The following CLUH variants were observed in gnomAD, a reference collection of about 807,000 sequenced individuals.
CLUH encodes the protein clustered mitochondria protein homolog.
CLUH carries 77 observed loss-of-function variants against 139.3 expected under a neutral mutation model. The observed-to-expected ratio is 0.55, with a 90% CI of 0.46 to 0.67. The LOEUF is 0.67. CLUH is among the 30% of genes least tolerant of loss of function. The pLI is 0.00. For synonymous variants in CLUH, 999 were observed against 801.6 expected (o/e 1.25, Z -4.16); for missense variants, 1,876 against 1,875.8 (o/e 1.00, Z 0.00).
chr17:2,703,233 C>T lies in CLUH; in HGVS notation c.475+85G>A. 1.4e-6 allele frequency: 2 copies of T among 1,416,234 alleles called. No homozygotes were observed. Among genetic ancestry groups the T allele is most frequent in the South Asian group, 1.3e-5 (1 of 75,822 alleles). The allele number at this position is 1,416,234 out of a possible 1,614,324, so 87.7% of individuals were successfully genotyped here. A position where few individuals can be genotyped will look rare whatever the true frequency, so the allele number is the denominator to read the frequency against. ...CCTGCCTCCATGAGCTCATCCGTGACACAGGGACCCTGGCATGGATGGTGC... is the reference window on the plus strand; with the variant it reads ...CCTGCCTCCATGAGCTCATCCGTGATACAGGGACCCTGGCATGGATGGTGC... On this transcript the variant is annotated intron_variant, in intron 3 of 25. Coordinates refer to ENST00000651024, the MANE Select transcript of CLUH (RefSeq NM_001366661.1). The surrounding 1 kb of genome is among the most constrained non-coding windows in gnomAD (Gnocchi z 4.2).
chr17:2,704,621 C>G lies in CLUH; in HGVS notation c.101-57G>C. The G allele has an allele frequency of 6.8e-7, 1 of 1,462,688 alleles. No individual in the cohort carries two copies. The highest frequency in any genetic ancestry group is 1.4e-5 in the African/African-American group (1 of 71,302). 90.6% of individuals were successfully genotyped at this position (1,462,688 alleles called of 1,614,324 possible). A position where few individuals can be genotyped will look rare whatever the true frequency, so the allele number is the denominator to read the frequency against. On this transcript the variant is annotated intron_variant, in intron 1 of 25. Transcript: ENST00000651024. This position sits in a 1 kb window ranked among gnomAD's most constrained non-coding sequence, Gnocchi z 5.7. ...CAGCCTCGCTGGTCGGCGGGGCTGT[C>G]CGCCTGACCCCACACGGGGACACGT...
chr17:2,704,068 C>G lies in CLUH; in HGVS notation c.303+294G>C, dbSNP rs569836956. ...AGGTGACTTGCCTGAGGGCACAGAG[C>G]AAGAGGCTGGGGAGTCCTGGGATGC... is the stretch of plus-strand genomic sequence containing the variant. On this transcript the variant is annotated intron_variant, in intron 2 of 25. Transcript: ENST00000651024. This position sits in a 1 kb window ranked among gnomAD's most constrained non-coding sequence, Gnocchi z 5.7. 6.6e-6 allele frequency among the ~76,000 whole-genome samples: 1 copy of G among 152,232 alleles called. No homozygotes were observed. The highest frequency in any genetic ancestry group is 1.9e-4 in the East Asian group (1 of 5,170).
At chr17:2,698,617 T>C (rs375699962) in intron 9 of CLUH, 27 bp from the exon 10 acceptor site, 113 of 1,538,600 alleles carry the variant, frequency 7.3e-5, no homozygotes, top group African/African-American at 1.9e-4. Flanking sequence ...AGGGCAGGGT[T>C]AGAGGCCGCG....
Position 2,701,948 on chromosome 17 carries a change from G to A in CLUH, c.585C>T (p.Ser195=). 8.1e-6 allele frequency: 13 copies of A among 1,613,986 alleles called. No individual in the cohort carries two copies. Among genetic ancestry groups the A allele is most frequent in the Non-Finnish European group, 1.1e-5 (13 of 1,179,914 alleles). ...AFNGVDCNSL[S]FLSVFTDGDL... The stretch of plus-strand genomic sequence containing the variant: ...CGCCGTCGGTGAAGACACTCAGGAA[G>A]GACAAGGAGTTGCAGTCAACCCCGT... The change falls in exon 4 of 26, where the codon TCC becomes TCT. Residue 195 remains serine (S), a synonymous_variant. Coordinates refer to ENST00000651024, the MANE Select transcript of CLUH (RefSeq NM_001366661.1).
At chr17:2,702,100 C>T (rs768087581) in intron 3 of CLUH, 43 bp from the exon 4 acceptor site, 4 of 1,598,892 alleles carry the variant, frequency 2.5e-6, no homozygotes, top group Middle Eastern at 1.7e-4. Flanking sequence ...CAGGGCCCTG[C>T]ACCCTGAACA....
In CLUH at chr17:2,693,156, A is replaced by AAAAAAAG. The variant is rs61560754; in HGVS notation, c.3232-297_3232-296insCTTTTTT. 7.3e-5 allele frequency among the ~76,000 whole-genome samples: 11 copies of AAAAAAAG among 150,768 alleles called. 1 individual carries two copies. The South Asian group carries it at 2.3e-3, about 32-fold the overall frequency. On this transcript the variant is annotated intron_variant, in intron 19 of 25. Transcript: ENST00000651024. Reference sequence around the variant, plus strand: ...AAAAATGTTACAAAAAAAAAAAAAAAGCCTGAGCAGGGGTGGGTCCCTTGA... The same window carrying AAAAAAAG: ...AAAAATGTTACAAAAAAAAAAAAAAAAAAAAAGGCCTGAGCAGGGGTGGGTCCCTTGA...
At position 2,704,364 on chromosome 17, in the gene CLUH, G is replaced by T; in HGVS notation, c.301C>A (p.Gln101Lys). ...LAPGIEPFSL[Q>K]VSPQEMVQEI... ...CAGCACCCGTTCCTCCATCTTACCT[G>T]CAGGGAGAAGGGCTCGATCCCAGGG... Residue 101 changes from glutamine (Q) to lysine (K), a missense_variant and splice_region_variant, in exon 2 of 26, where the codon CAG (glutamine) becomes AAG (lysine). This residue lies in a region of CLUH where 152 missense variants were observed against 136.7 expected (regional missense o/e 1.11). Coordinates refer to ENST00000651024, the MANE Select transcript of CLUH (RefSeq NM_001366661.1). This position sits in a 1 kb window ranked among gnomAD's most constrained non-coding sequence, Gnocchi z 5.7. 2 of 1,609,798 alleles carry T rather than the reference G, an allele frequency of 1.2e-6. No homozygotes were observed. Among genetic ancestry groups the T allele is most frequent in the Non-Finnish European group, 1.7e-6 (2 of 1,178,198 alleles).
rs2070279823 is a variant in CLUH at position 2,704,231 on chromosome 17, G to A, written c.303+131C>T. 1 of 954,306 alleles carries A rather than the reference G, an allele frequency of 1.0e-6. No individual in the cohort carries two copies. The highest frequency in any genetic ancestry group is 1.6e-5 in the South Asian group (1 of 61,258). The allele number at this position is 954,306 out of a possible 1,614,324, so 59.1% of individuals were successfully genotyped here. A position where few individuals can be genotyped will look rare whatever the true frequency, so the allele number is the denominator to read the frequency against. ...CCACCACGCTAGCTGAGTGACTCTA[G>A]GGAGGGCACGGGATCCTCAGTTTCC... On this transcript the variant is annotated intron_variant, in intron 2 of 25. Transcript: ENST00000651024. The surrounding 1 kb of genome is among the most constrained non-coding windows in gnomAD (Gnocchi z 5.7).
rs1466663790 is a variant in CLUH, at chr17:2,690,021, A to G, written c.*573T>C. On this transcript the variant is annotated 3_prime_UTR_variant, in exon 26 of 26. Coordinates refer to ENST00000651024, the MANE Select transcript of CLUH (RefSeq NM_001366661.1). The stretch of plus-strand genomic sequence containing the variant: ...CAACGGCGGCTCCCGTCCCGCCCCA[A>G]ACTAAAGTGCACCCCAGCCCTCCAG... 6.6e-6 allele frequency: 1 copy of G among 152,054 alleles called. No homozygotes were observed. Among genetic ancestry groups the G allele is most frequent in the Non-Finnish European group, 1.5e-5 (1 of 68,046 alleles). The allele number at this position is 152,054 out of a possible 1,614,324, so 9.4% of individuals were successfully genotyped here. A position where few individuals can be genotyped will look rare whatever the true frequency, so the allele number is the denominator to read the frequency against.
At chr17:2,694,610 C>A (rs773207596) in intron 16 of CLUH, 46 bp from the exon 17 acceptor site, 6 of 1,489,166 alleles carry the variant, frequency 4.0e-6, no homozygotes, top group Non-Finnish European at 1.8e-6. Flanking sequence ...ACCGCCGGGC[C>A]CCCCCAACAC....
chr17:2,699,382 G>A (rs920717725), intron 9 of CLUH, among the ~76,000 whole-genome samples: 7 of 152,258 alleles, frequency 4.6e-5, no homozygotes, highest in Admixed American at 1.3e-4. Flanking sequence ...GGAATGCAGC[G>A]GCACGAGATC....
chr17:2,700,764 G>T lies in CLUH; in HGVS notation c.1087C>A (p.Pro363Thr). The change falls in exon 8 of 26, where the codon CCC becomes ACC. Residue 363 changes from proline (P) to threonine (T), a missense_variant. Physicochemically the swap from Pro to Thr is conservative, Grantham distance 38 (BLOSUM62 -1). Around this residue, in one of 3 missense-constraint regions of CLUH, gnomAD observed 1,454 missense variants for 1,384.4 expected, o/e 1.05. Coordinates refer to ENST00000651024, the MANE Select transcript of CLUH (RefSeq NM_001366661.1). The part of the protein sequence containing the change: ...TPFQVYSWTA[P>T]QAEHAMDCVR... ...CAATCCATGGCATGCTCCGCCTGGGGGGCTGTCCAGCTGTACACCTGGAAT... is the reference window on the plus strand; with the variant it reads ...CAATCCATGGCATGCTCCGCCTGGGTGGCTGTCCAGCTGTACACCTGGAAT... The T allele has an allele frequency of 6.5e-7, 1 of 1,544,776 alleles. No homozygotes were observed. Among genetic ancestry groups the T allele is most frequent in the Non-Finnish European group, 8.7e-7 (1 of 1,151,184 alleles).
Position 2,690,584 on chromosome 17 carries a change from G to A in CLUH, c.*10C>T, listed in dbSNP as rs374229503. 10 of 1,447,858 alleles carry A rather than the reference G, an allele frequency of 6.9e-6. No individual in the cohort carries two copies. The African/African-American group carries it at 7.4e-5, about 11-fold the overall frequency. 89.7% of individuals were successfully genotyped at this position (1,447,858 alleles called of 1,614,324 possible). Reference sequence around the variant, plus strand: ...GGGGCCGCTGGCTGGCTGTCCGTCTGGCTCCCTCTCTATCCCTGCACGCTC... The same window carrying A: ...GGGGCCGCTGGCTGGCTGTCCGTCTAGCTCCCTCTCTATCCCTGCACGCTC... On this transcript the variant is annotated 3_prime_UTR_variant, in exon 26 of 26. Coordinates refer to ENST00000651024, the MANE Select transcript of CLUH (RefSeq NM_001366661.1).
chr17:2,702,487 T>C (rs926255005), intron 3 of CLUH, among the ~76,000 whole-genome samples: 1 of 152,182 alleles, frequency 6.6e-6, no homozygotes, highest in Non-Finnish European at 1.5e-5. Context: ...ATGTCAACAC[T>C]GCCCCTATGT....
rs759759071 is a variant in CLUH at position 2,704,692 on chromosome 17, C to T, written c.101-128G>A. The T allele has an allele frequency of 7.4e-4, 673 of 907,484 alleles. No homozygotes were observed. Among genetic ancestry groups the T allele is most frequent in the Middle Eastern group, 3.8e-3 (11 of 2,886 alleles). 56.2% of individuals were successfully genotyped at this position (907,484 alleles called of 1,614,324 possible). A position where few individuals can be genotyped will look rare whatever the true frequency, so the allele number is the denominator to read the frequency against. On this transcript the variant is annotated intron_variant, in intron 1 of 25. Transcript: ENST00000651024. The surrounding 1 kb of genome is among the most constrained non-coding windows in gnomAD (Gnocchi z 5.7). Reference sequence around the variant, plus strand: ...CATGCCCTCGAGAGTCCCAGCCTCACGGTCGCGCCTCGCCCTCCGTGCACC... The same window carrying T: ...CATGCCCTCGAGAGTCCCAGCCTCATGGTCGCGCCTCGCCCTCCGTGCACC...
At chr17:2,700,564 G>A in intron 8 of CLUH, 90 bp from the exon 9 acceptor site, 1 of 1,540,770 alleles carries the variant, frequency 6.5e-7, no homozygotes, top group Non-Finnish European at 8.7e-7. Flanking sequence ...CCTGAGAAGA[G>A]CCCCAGACTC....
rs917831043 is a variant in CLUH, at chr17:2,711,708, C to T, written c.-47G>A. ...CCTCGGCTGTCCGCGCCGCCCGCCG[C>T]GCCACTAACCCAAGTGCCCTGCGCG... On this transcript the variant is annotated 5_prime_UTR_variant, in exon 1 of 26. Transcript: ENST00000651024. The T allele has an allele frequency of 4.1e-5, 34 of 837,038 alleles. No individual in the cohort carries two copies. The African/African-American group carries it at 6.1e-4, about 15-fold the overall frequency. The allele number at this position is 837,038 out of a possible 1,614,324, so 51.9% of individuals were successfully genotyped here. A position where few individuals can be genotyped will look rare whatever the true frequency, so the allele number is the denominator to read the frequency against.
rs920610759 is a variant in CLUH, at chr17:2,704,289, A to G, written c.303+73T>C. 3.4e-6 allele frequency: 5 copies of G among 1,491,154 alleles called. No individual in the cohort carries two copies. Among genetic ancestry groups the G allele is most frequent in the Non-Finnish European group, 4.6e-6 (5 of 1,097,928 alleles). 92.4% of individuals were successfully genotyped at this position (1,491,154 alleles called of 1,614,324 possible). ...AAATGGGGCCGGTAGGAGCACGAGC[A>G]AGGCTGAGCTTTCCAGCTCACCCTC... is the stretch of plus-strand genomic sequence containing the variant. On this transcript the variant is annotated intron_variant, in intron 2 of 25. Transcript: ENST00000651024. The surrounding 1 kb of genome is among the most constrained non-coding windows in gnomAD (Gnocchi z 5.7).
chr17:2,707,290 C>G lies in CLUH; in HGVS notation c.101-2726G>C. On this transcript the variant is annotated intron_variant, in intron 1 of 25. Coordinates refer to ENST00000651024, the MANE Select transcript of CLUH (RefSeq NM_001366661.1). This position sits in a 1 kb window ranked among gnomAD's most constrained non-coding sequence, Gnocchi z 7.4. ...TTGCCCGGGTTCCTTGTTCCAGCCTCTGCCGCTACCCTTGCCCTAATGCAG... is the reference window on the plus strand; with the variant it reads ...TTGCCCGGGTTCCTTGTTCCAGCCTGTGCCGCTACCCTTGCCCTAATGCAG... 7.1e-6 allele frequency: 7 copies of G among 985,464 alleles called. No homozygotes were observed. Among genetic ancestry groups the G allele is most frequent in the Non-Finnish European group, 8.4e-6 (7 of 829,934 alleles). The allele number at this position is 985,464 out of a possible 1,614,324, so 61.0% of individuals were successfully genotyped here. A position where few individuals can be genotyped will look rare whatever the true frequency, so the allele number is the denominator to read the frequency against.
Sources: allele counts gnomAD v4.1 joint callset (sites outside exome capture counted in the v4.1 genomes callset), GRCh38; gene constraint gnomAD v4.1.1; regional missense constraint gnomAD v4.1.1; non-coding constraint Gnocchi (gnomAD v3.1); transcripts MANE v1.5; gene names NCBI Gene and HGNC (gene_info 2026-07-23, HGNC 2026-07-21).